Variants in TNRC18 observed in about 807,000 individuals in gnomAD.
TNRC18 encodes trinucleotide repeat containing 18.
A neutral mutation model predicts 226.7 loss-of-function variants in TNRC18; 69 were observed. The ratio of observed to expected loss-of-function variants is 0.30; its 90% CI spans 0.25 to 0.37. TNRC18 has a LOEUF of 0.37. TNRC18 is among the 10% of genes least tolerant of loss of function. TNRC18 has a pLI of 1.00. For missense variants in TNRC18, 4,754 were observed against 4,256.6 expected (o/e 1.12, Z -3.25); for synonymous variants, 2,449 against 1,927.6 (o/e 1.27, Z -7.09).
rs568888880 is a variant in TNRC18, at chr7:5,351,420, C to G, written c.5470+399G>C. The stretch of plus-strand genomic sequence containing the variant: ...TTCCTCGGGAAGCCTCCACCGAACC[C>G]GTGCCCAAAGAGAGCCCGAACCAAG... On this transcript the variant is annotated intron_variant, in intron 17 of 29. Transcript: ENST00000430969. 4.7e-3 allele frequency among the ~76,000 whole-genome samples: 682 copies of G among 145,918 alleles called. 1 individual carries two copies. The highest frequency in any genetic ancestry group is 5.7e-3 in the Non-Finnish European group (380 of 66,462).
intron 4 of TNRC18, 120 bp downstream of exon 4, chr7:5,390,365 A>G (rs764485878): frequency 5.2e-5 from 56 of 1,072,234 alleles, no homozygotes; most frequent in Non-Finnish European, 7.1e-5. Context: ...TCTCAAAAAA[A>G]AAAAAAAAAA....
intron 2 of TNRC18, chr7:5,420,253 C>G (rs1350196725): frequency 2.4e-5 from 9 of 379,774 alleles, no homozygotes; most frequent in Non-Finnish European, 4.8e-5. Context: ...TCGGCCACCT[C>G]CTCCAGCAGC....
Position 5,420,947 on chromosome 7 carries a change from G to A in TNRC18, c.187+113C>T, listed in dbSNP as rs886788090. ...GGGAGCCGAGTCTGCCCGCACCCCC[G>A]TGGCCGACCGAAGGAGAGTCGCCGA... On this transcript the variant is annotated intron_variant, in intron 2 of 29. Coordinates refer to ENST00000430969, the MANE Select transcript of TNRC18 (RefSeq NM_001080495.3). 3.3e-5 allele frequency: 45 copies of A among 1,351,042 alleles called. No individual in the cohort carries two copies. The African/African-American group carries it at 4.6e-4, about 14-fold the overall frequency. 83.7% of individuals were successfully genotyped at this position (1,351,042 alleles called of 1,614,324 possible). A position where few individuals can be genotyped will look rare whatever the true frequency, so the allele number is the denominator to read the frequency against.
intron 8 of TNRC18, among the ~76,000 whole-genome samples, chr7:5,376,468 C>CGCA (rs1481131978): frequency 6.6e-6 from 1 of 152,174 alleles, no homozygotes; most frequent in African/African-American, 2.4e-5. Flanking sequence ...CCCACAGCCT[C>CGCA]GCAACCAGAG....
In TNRC18 at chr7:5,359,498, C is replaced by T. The variant is rs1792807294; in HGVS notation, c.4733G>A (p.Gly1578Glu). Residue 1578 changes from glycine to glutamate, a missense_variant, in exon 15 of 30, where the codon GGG (glycine) becomes GAG (glutamate). Transcript: ENST00000430969. ...LGAGIRKRHKGSEEEHDALIG... is the reference protein window; with the variant it reads ...LGAGIRKRHKESEEEHDALIG... ...GAGGGCATCATGTTCCTCCTCAGAC[C>T]CCTTGTGTCTCTTTCTTATCCCTGC... 2 of 1,613,958 alleles carry T rather than the reference C, an allele frequency of 1.2e-6. No individual in the cohort carries two copies. Among genetic ancestry groups the T allele is most frequent in the Non-Finnish European group, 1.7e-6 (2 of 1,179,872 alleles).
intron 1 of TNRC18, chr7:5,423,058 T>TC (rs1782672927): frequency 6.6e-6 from 1 of 152,196 alleles, no homozygotes; most frequent in African/African-American, 2.4e-5. Context: ...CTTACTTTTC[T>TC]CCCCCTCTTA....
intron 1 of TNRC18, among the ~76,000 whole-genome samples, 156 bp downstream of exon 1, chr7:5,423,285 G>A (rs2128227329): frequency 6.7e-6 from 1 of 149,492 alleles, no homozygotes; most frequent in South Asian, 2.2e-4. Context: ...CCCCCTCCCC[G>A]CCGGCCCTGG....
At position 5,377,628 on chromosome 7, in the gene TNRC18, A is replaced by G; in HGVS notation, c.2256-52T>C. ...GACAGCTCGGACAGCCCAGGGGACG[A>G]GAGGGAGAAGCGGGGTTGCCCCAAG... On this transcript the variant is annotated intron_variant, in intron 6 of 29. Transcript: ENST00000430969. This position sits in a 1 kb window ranked among gnomAD's most constrained non-coding sequence, Gnocchi z 5.8. 1 of 1,517,826 alleles carries G rather than the reference A, an allele frequency of 6.6e-7. No individual in the cohort carries two copies. The highest frequency in any genetic ancestry group is 1.2e-5 in the South Asian group (1 of 82,460). The allele number at this position is 1,517,826 out of a possible 1,614,324, so 94.0% of individuals were successfully genotyped here. A position where few individuals can be genotyped will look rare whatever the true frequency, so the allele number is the denominator to read the frequency against.
chr7:5,310,874 CTG>C (rs1233324334), intron 27 of TNRC18, among the ~76,000 whole-genome samples: 1 of 152,236 alleles, frequency 6.6e-6, no homozygotes, highest in Non-Finnish European at 1.5e-5. Context: ...GTATATGTGC[CTG>C]TGTGTGCACA....
intron 17 of TNRC18, among the ~76,000 whole-genome samples, chr7:5,348,376 G>A (rs906634094): frequency 1.3e-5 from 2 of 152,160 alleles, no homozygotes; most frequent in Admixed American, 6.6e-5. Context: ...AAGAAGAGGT[G>A]GACACCAGAC....
At chr7:5,362,615 C>A (rs755537049) in intron 12 of TNRC18, 35 bp downstream of exon 12, 19 of 1,503,552 alleles carry the variant, frequency 1.3e-5, no homozygotes, top group Non-Finnish European at 1.5e-5. Flanking sequence ...CAGCCTCCCC[C>A]GCGGACCCCA....
chr7:5,376,770 A>G, intron 8 of TNRC18, 77 bp downstream of exon 8: 1 of 1,540,388 alleles, frequency 6.5e-7, no homozygotes, highest in Non-Finnish European at 8.8e-7. Context: ...CCTCAGCAGG[A>G]AGCCCTTGGC....
In TNRC18 at chr7:5,394,974, G is replaced by C. The variant is rs979794020; in HGVS notation, c.188-379C>G. Among the ~76,000 whole-genome samples the C allele has an allele frequency of 1.3e-5, 2 of 152,156 alleles. No individual in the cohort carries two copies. Among genetic ancestry groups the C allele is most frequent in the Admixed American group, 6.5e-5 (1 of 15,278 alleles). On this transcript the variant is annotated intron_variant, in intron 2 of 29. Coordinates refer to ENST00000430969, the MANE Select transcript of TNRC18 (RefSeq NM_001080495.3). The surrounding 1 kb of genome is among the most constrained non-coding windows in gnomAD (Gnocchi z 4.5). ...AATCCTGAAGTCGGTGGCGCACTGG[G>C]ACTTCCAGAGGCCACAGGGCAAGGC...
chr7:5,314,635 C>T (rs1177064466), intron 26 of TNRC18, among the ~76,000 whole-genome samples: 4 of 132,476 alleles, frequency 3.0e-5, no homozygotes, highest in Admixed American at 8.8e-5. Context: ...TGTAATGGTG[C>T]GATCTTGGCT....
intron 3 of TNRC18, among the ~76,000 whole-genome samples, chr7:5,392,141 C>T (rs1780346602): frequency 1.3e-5 from 2 of 152,100 alleles, no homozygotes; most frequent in South Asian, 4.1e-4. Flanking sequence ...AAAGGGCTAC[C>T]CGATACCTGT....
At chr7:5,329,257 C>G (rs1247530731) in intron 19 of TNRC18, among the ~76,000 whole-genome samples, 3 of 150,716 alleles carry the variant, frequency 2.0e-5, no homozygotes, top group South Asian at 2.1e-4. Context: ...GAGCCAAGAT[C>G]TCACCACTGT....
At chr7:5,358,047 G>C (rs1005385861) in intron 15 of TNRC18, among the ~76,000 whole-genome samples, 1 of 152,106 alleles carries the variant, frequency 6.6e-6, no homozygotes, top group Non-Finnish European at 1.5e-5. Flanking sequence ...AGGAGGAAAG[G>C]AATCAAGATC....
chr7:5,396,471 T>C (rs1175091399), intron 2 of TNRC18, among the ~76,000 whole-genome samples: 1 of 152,108 alleles, frequency 6.6e-6, no homozygotes, highest in Non-Finnish European at 1.5e-5. Flanking sequence ...TGCAGTGAGC[T>C]GTGACTGCAA....
At chr7:5,422,224 C>T (rs1307093939) in intron 1 of TNRC18, among the ~76,000 whole-genome samples, 1 of 152,082 alleles carries the variant, frequency 6.6e-6, no homozygotes, top group Non-Finnish European at 1.5e-5. Flanking sequence ...TTTCCAACGC[C>T]CTGGCCTGAG....
Sources: allele counts gnomAD v4.1 joint callset (sites outside exome capture counted in the v4.1 genomes callset), GRCh38; gene constraint gnomAD v4.1.1; non-coding constraint Gnocchi (gnomAD v3.1); transcripts MANE v1.5; gene names NCBI Gene and HGNC (gene_info 2026-07-23, HGNC 2026-07-21).